Variants in SLC14A2 observed in about 807,000 individuals in gnomAD.
SLC14A2 encodes urea transporter 2.
A neutral mutation model predicts 104.6 loss-of-function variants in SLC14A2; 91 were observed. That is an observed-to-expected ratio of 0.87 (90% CI 0.73 to 1.04). SLC14A2 has a LOEUF of 1.04. Ranked by LOEUF, SLC14A2 falls within the 50% of genes least tolerant of loss-of-function variation. SLC14A2 has a pLI of 0.00. For missense variants in SLC14A2, 1,189 were observed against 1,156.0 expected, an observed-to-expected ratio of 1.03 and a Z score of -0.41; for synonymous variants, 476 against 466.4, an observed-to-expected ratio of 1.02 and a Z score of -0.27.
At chr18:45,345,430 T>G (rs997902832) in intron 1 of SLC14A2, among the ~76,000 whole-genome samples, 9 of 152,112 alleles carry the variant, frequency 5.9e-5, no homozygotes, top group African/African-American at 2.2e-4. Context: ...TGTTCAGGAG[T>G]GAAGCCTTCT....
At chr18:45,624,288 T>C (rs1007704613) in intron 1 of SLC14A2, among the ~76,000 whole-genome samples, 1 of 152,086 alleles carries the variant, frequency 6.6e-6, no homozygotes, top group South Asian at 2.1e-4. Context: ...AAGGGGAACA[T>C]ACGTGTACCA....
upstream of SLC14A2, among the ~76,000 whole-genome samples, chr18:45,212,315 T>C (rs1463550426): frequency 1.3e-5 from 2 of 152,212 alleles, no homozygotes; most frequent in Admixed American, 1.3e-4. Context: ...GTATGAGGTA[T>C]AACTGTATTA....
chr18:45,354,432 A>T (rs1242280101), intron 1 of SLC14A2, among the ~76,000 whole-genome samples: 1 of 152,172 alleles, frequency 6.6e-6, no homozygotes, highest in Non-Finnish European at 1.5e-5. Flanking sequence ...TCACTACTTC[A>T]ACCCATCTTG....
At chr18:45,488,446 G>T (rs575835745) in intron 2 of SLC14A2, among the ~76,000 whole-genome samples, 1 of 152,188 alleles carries the variant, frequency 6.6e-6, no homozygotes, top group East Asian at 1.9e-4. Flanking sequence ...GCAGGTACTG[G>T]TGGTCAAAAG....
At chr18:45,198,202 T>G in the SLC14A2 span, among the ~76,000 whole-genome samples, 147 of 152,228 alleles carry the variant, frequency 9.7e-4, 1 homozygote, top group African/African-American at 3.3e-3. Context: ...TAGAAAAACA[T>G]AAGGTATGCA....
At chr18:45,484,216 A>G (rs990409730) in intron 2 of SLC14A2, among the ~76,000 whole-genome samples, 10 of 152,128 alleles carry the variant, frequency 6.6e-5, no homozygotes, top group Admixed American at 5.2e-4. Context: ...TGGGAAGGAG[A>G]AAATGAAGAT....
chr18:45,241,760 C>A (rs2084320332), intron 1 of SLC14A2, among the ~76,000 whole-genome samples: 1 of 150,962 alleles, frequency 6.6e-6, no homozygotes, highest in African/African-American at 2.4e-5. Context: ...TCTCCTGCCT[C>A]AGCTTCCTGA....
rs933977113 is a variant in SLC14A2, at chr18:45,226,040, A to T, written c.-125+12849A>T. 2.6e-5 allele frequency among the ~76,000 whole-genome samples: 4 copies of T among 152,348 alleles called. No individual in the cohort carries two copies. In the South Asian group the frequency reaches 8.3e-4, roughly 32 times the overall value. ...GAACAGACACTTCTCAAAAGAAGAC[A>T]TTTATGCAGCCAAAAGACACATGAA... On this transcript the variant is annotated intron_variant, in intron 1 of 20. Transcript: ENST00000586448.
At chr18:45,232,725 A>G (rs1439675829) in intron 1 of SLC14A2, among the ~76,000 whole-genome samples, 2 of 152,346 alleles carry the variant, frequency 1.3e-5, no homozygotes, top group Admixed American at 1.3e-4. Context: ...GTTCAGCTTA[A>G]TTGGTTAAGT....
chr18:45,672,384 C>T (rs900595729), intron 16 of SLC14A2, among the ~76,000 whole-genome samples: 5 of 152,152 alleles, frequency 3.3e-5, no homozygotes, highest in Non-Finnish European at 7.4e-5. Context: ...ACAACATTAG[C>T]CAGGCATGGC....
chr18:45,536,435 C>T (rs1598974685), intron 2 of SLC14A2, among the ~76,000 whole-genome samples: 1 of 152,252 alleles, frequency 6.6e-6, no homozygotes, highest in East Asian at 1.9e-4. Flanking sequence ...CATTCCATGC[C>T]TCTGTCTGGC....
intron 1 of SLC14A2, among the ~76,000 whole-genome samples, chr18:45,251,475 G>A (rs764546109): frequency 4.6e-5 from 7 of 152,142 alleles, no homozygotes; most frequent in African/African-American, 9.7e-5. Flanking sequence ...TCACAACCTC[G>A]GTAGTGTATT....
intron 1 of SLC14A2, among the ~76,000 whole-genome samples, chr18:45,480,263 C>A (rs899659095): frequency 2.6e-5 from 4 of 152,182 alleles, no homozygotes; most frequent in Non-Finnish European, 5.9e-5. Context: ...TAATCCCAGA[C>A]AAGATTCTTC....
At chr18:45,258,088 C>T (rs538072024) in intron 1 of SLC14A2, among the ~76,000 whole-genome samples, 1 of 152,296 alleles carries the variant, frequency 6.6e-6, no homozygotes, top group East Asian at 1.9e-4. Context: ...TTCATTCTCA[C>T]CACCATCCTA....
At chr18:45,449,492 G>A (rs180893030) in intron 1 of SLC14A2, among the ~76,000 whole-genome samples, 16 of 152,244 alleles carry the variant, frequency 1.1e-4, no homozygotes, top group African/African-American at 3.1e-4. Flanking sequence ...GGGGAAAGAC[G>A]ATGGAGTCTC....
chr18:45,282,952 C>G (rs188731273), intron 1 of SLC14A2, among the ~76,000 whole-genome samples: 1 of 152,108 alleles, frequency 6.6e-6, no homozygotes, highest in African/African-American at 2.4e-5. Context: ...GTAAAATATG[C>G]GTAGGGTGTG....
chr18:45,181,651 A>T, the SLC14A2 span, among the ~76,000 whole-genome samples: 3 of 152,228 alleles, frequency 2.0e-5, no homozygotes, highest in African/African-American at 7.2e-5. Flanking sequence ...CAGATAAACT[A>T]AAATTAAAAG....
intron 10 of SLC14A2, among the ~76,000 whole-genome samples, chr18:45,659,950 C>T (rs2045908528): frequency 7.6e-6 from 1 of 131,648 alleles, no homozygotes; most frequent in African/African-American, 2.9e-5. Context: ...CATAATGAGA[C>T]ACTGGCTCTA....
intron 1 of SLC14A2, among the ~76,000 whole-genome samples, chr18:45,340,040 G>T (rs375972672): frequency 1.3e-5 from 2 of 152,222 alleles, no homozygotes; most frequent in East Asian, 1.9e-4. Context: ...CCTGGGCACA[G>T]AAAAGAGTCC....
Sources: allele counts gnomAD v4.1 joint callset (sites outside exome capture counted in the v4.1 genomes callset), GRCh38; gene constraint gnomAD v4.1.1; transcripts MANE v1.5; gene names NCBI Gene and HGNC (gene_info 2026-07-23, HGNC 2026-07-21).